Variants in SAMD11 observed in about 807,000 individuals in gnomAD.
SAMD11 encodes the protein sterile alpha motif domain-containing protein 11.
In SAMD11, 77 loss-of-function variants were observed where a neutral mutation model predicts 64.4. That is an observed-to-expected ratio of 1.20 (90% CI 0.99 to 1.44). The LOEUF is 1.44. SAMD11 is among the 40% of genes most tolerant of loss of function. The pLI, the probability that SAMD11 is intolerant of heterozygous loss-of-function variation, is 0.00. For missense variants in SAMD11, 1,402 were observed against 943.3 expected (o/e 1.49, Z -6.37); for synonymous variants, 658 against 421.9 (o/e 1.56, Z -6.86).
At position 944,417 on chromosome 1, in the gene SAMD11, T is replaced by C. The variant is rs1358908316; in HGVS notation, c.*264T>C. The C allele has an allele frequency of 8.8e-7, 1 of 1,132,230 alleles. No homozygotes were observed. Among genetic ancestry groups the C allele is most frequent in the Non-Finnish European group, 1.2e-6 (1 of 856,190 alleles). 70.1% of individuals were successfully genotyped at this position (1,132,230 alleles called of 1,614,324 possible). A position where few individuals can be genotyped will look rare whatever the true frequency, so the allele number is the denominator to read the frequency against. On this transcript the variant is annotated 3_prime_UTR_variant, in exon 14 of 14. Transcript: ENST00000616016. ...GGGCCTGCAGGCCTCCCCCTGGAAC[T>C]GGGACTGGTCTCGGTCTGCTGACGT...
rs528834495 is a variant in SAMD11 at position 942,983 on chromosome 1, G to T, written c.1978G>T (p.Glu660Ter). ...GQAPAGGAGAEGKGLFPGSTL... is the reference protein window; with the variant it reads ...GQAPAGGAGA Reference sequence around the variant, plus strand: ...AGCTCCAGCTGGAGGGGCCGGCGCCGAGGGGAAGGGGCTTTTCCCAGGGTC... The same window carrying T: ...AGCTCCAGCTGGAGGGGCCGGCGCCTAGGGGAAGGGGCTTTTCCCAGGGTC... Residue 660 changes from glutamate to a stop codon, truncating the protein, a stop_gained, in exon 11 of 14, where the codon GAG (glutamate) becomes TAG (stop). Coordinates refer to ENST00000616016, the MANE Select transcript of SAMD11 (RefSeq NM_001385641.1). LOFTEE classifies it high-confidence loss of function. 2.0e-6 allele frequency: 3 copies of T among 1,536,696 alleles called. No individual in the cohort carries two copies. Among genetic ancestry groups the T allele is most frequent in the Non-Finnish European group, 2.6e-6 (3 of 1,144,470 alleles).
chr1:927,112 C>T (rs1557599500), intron 2 of SAMD11, among the ~76,000 whole-genome samples: 1 of 152,178 alleles, frequency 6.6e-6, no homozygotes. Flanking sequence ...CATGTGCCCA[C>T]CTGACACACA....
At chr1:933,929 T>G (rs1641285997) in intron 4 of SAMD11, among the ~76,000 whole-genome samples, 2 of 151,942 alleles carry the variant, frequency 1.3e-5, no homozygotes, top group African/African-American at 2.4e-5. Context: ...TTAACGAGGT[T>G]TAGGGTAGGC....
At chr1:943,438 T>C in intron 12 of SAMD11, 61 bp downstream of exon 12, 1 of 1,388,924 alleles carries the variant, frequency 7.2e-7, no homozygotes, top group Non-Finnish European at 9.8e-7. Flanking sequence ...ACTACCTCCC[T>C]GGAAAGGATG....
rs1283259770 is a variant in SAMD11 at position 940,078 on chromosome 1, G to C, written c.1195+666G>C. 2.0e-5 allele frequency among the ~76,000 whole-genome samples: 3 copies of C among 152,228 alleles called. No individual in the cohort carries two copies. In the East Asian group the frequency reaches 5.8e-4, roughly 29 times the overall value. On this transcript the variant is annotated intron_variant, in intron 7 of 13. Coordinates refer to ENST00000616016, the MANE Select transcript of SAMD11 (RefSeq NM_001385641.1). ...AGCTTGGCTTTTCGGGCTAGAGGTG[G>C]GTGGGGGCGCCGGGAAAGGAGGCAG...
In SAMD11 at chr1:930,703, A is replaced by C. The variant is rs574886374; in HGVS notation, c.792-336A>C. Among the ~76,000 whole-genome samples the C allele has an allele frequency of 3.0e-4, 46 of 152,294 alleles. No homozygotes were observed. In the South Asian group the frequency reaches 8.1e-3, roughly 27 times the overall value. On this transcript the variant is annotated intron_variant, in intron 3 of 13. Transcript: ENST00000616016. ...TTCAGGCTCGTGACTGGCTGTGCAG[A>C]AGCAGCCTCGGCCCCCACCTGCGGT... is the stretch of plus-strand genomic sequence containing the variant.
At chr1:927,862 C>T (rs553258950) in intron 2 of SAMD11, among the ~76,000 whole-genome samples, 6 of 152,336 alleles carry the variant, frequency 3.9e-5, no homozygotes, top group Admixed American at 2.0e-4. Flanking sequence ...TCCTCAGCAC[C>T]CCCATCAGCC....
chr1:942,719 GC>G lies in SAMD11; in HGVS notation c.1717del (p.Leu573CysfsTer41). On this transcript the variant is annotated frameshift_variant, in exon 11 of 14. Coordinates refer to ENST00000616016, the MANE Select transcript of SAMD11 (RefSeq NM_001385641.1). LOFTEE classifies it high-confidence loss of function. ...VLNHGAAPLL[A>X]LPPQGPPGSG... ...GAACCACGGCGCGGCGCCACTGCTG[GC>G]CCTGCCCCCCCAGGGGCCCCCGGGC... 1 of 1,461,112 alleles carries G rather than the reference GC, an allele frequency of 6.8e-7. No homozygotes were observed. The highest frequency in any genetic ancestry group is 8.9e-7 in the Non-Finnish European group (1 of 1,117,666). The allele number at this position is 1,461,112 out of a possible 1,614,324, so 90.5% of individuals were successfully genotyped here.
Position 925,839 on chromosome 1 carries a change from G to C in SAMD11, c.518-83G>C, listed in dbSNP as rs757595556. 1.3e-4 allele frequency: 124 copies of C among 972,340 alleles called. 1 individual carries two copies. Among genetic ancestry groups the C allele is most frequent in the South Asian group, 4.5e-4 (35 of 77,792 alleles). The allele number at this position is 972,340 out of a possible 1,614,324, so 60.2% of individuals were successfully genotyped here. On this transcript the variant is annotated intron_variant, in intron 1 of 13. Coordinates refer to ENST00000616016, the MANE Select transcript of SAMD11 (RefSeq NM_001385641.1). ...TCGGGGTGTATTTCGTCCACGAGCC[G>C]GGGAGGGGGTACTGGCCCTGCCGCT...
At position 944,097 on chromosome 1, in the gene SAMD11, A is replaced by G. The variant is rs760245373; in HGVS notation, c.2479A>G (p.Asn827Asp). The G allele has an allele frequency of 1.9e-6, 3 of 1,611,502 alleles. No individual in the cohort carries two copies. Among genetic ancestry groups the G allele is most frequent in the African/African-American group, 1.3e-5 (1 of 74,948 alleles). ...CGGTCAAACTTCACCCAAGCAGGAGAATGGGACCTTGGCTCTACTTCCAGG... is the reference window on the plus strand; with the variant it reads ...CGGTCAAACTTCACCCAAGCAGGAGGATGGGACCTTGGCTCTACTTCCAGG... ...LAGQTSPKQE[N>D]GTLALLPGAP... The change falls in exon 14 of 14, where the codon AAT (asparagine) becomes GAT (aspartate). Residue 827 changes from asparagine (N) to aspartate (D), a missense_variant. Coordinates refer to ENST00000616016, the MANE Select transcript of SAMD11 (RefSeq NM_001385641.1).
At chr1:935,203 G>T (rs1641366619) in intron 4 of SAMD11, among the ~76,000 whole-genome samples, 2 of 152,196 alleles carry the variant, frequency 1.3e-5, no homozygotes, top group African/African-American at 2.4e-5. Context: ...CGGGGGGACA[G>T]CGGGAGGTTG....
chr1:930,780 G>A (rs1038338023), intron 3 of SAMD11, among the ~76,000 whole-genome samples: 1 of 152,262 alleles, frequency 6.6e-6, no homozygotes, highest in Non-Finnish European at 1.5e-5. Context: ...GGGAGAAGGG[G>A]CCTCGGTCCT....
rs1157485345 is a variant in SAMD11 at position 930,218 on chromosome 1, G to A, written c.673G>A (p.Glu225Lys). 6 of 1,585,266 alleles carry A rather than the reference G, an allele frequency of 3.8e-6. No homozygotes were observed. In the Admixed American group the frequency reaches 5.4e-5, roughly 14 times the overall value. ...GCCTGCCGCCCGGAACCTGAAGAAG[G>A]AGCGAACTCCCAGCTTCTCTGCCAG... Reference protein sequence around the residue: ...ALPAARNLKKERTPSFSASDG... With the variant: ...ALPAARNLKKKRTPSFSASDG... Residue 225 changes from glutamate (E) to lysine (K), a missense_variant, in exon 3 of 14, where the codon GAG (glutamate) becomes AAG (lysine). Glu to Lys is a moderately conservative substitution (Grantham distance 56, BLOSUM62 1). Transcript: ENST00000616016.
At chr1:943,119 A>G (rs1569918933) in intron 11 of SAMD11, 61 bp downstream of exon 11, 1 of 1,556,428 alleles carries the variant, frequency 6.4e-7, no homozygotes. Context: ...CCGCCTGTGG[A>G]AGGGTCTTGG....
chr1:941,501 C>A (rs1641764692), intron 8 of SAMD11, among the ~76,000 whole-genome samples, 195 bp downstream of exon 8: 1 of 151,982 alleles, frequency 6.6e-6, no homozygotes, highest in African/African-American at 2.4e-5. Flanking sequence ...GTGAGGGAGG[C>A]TGAGGCCCAT....
intron 4 of SAMD11, among the ~76,000 whole-genome samples, chr1:934,060 GGGCAGGGGAGGCGGC>G (rs1641297623): frequency 9.1e-5 from 2 of 21,884 alleles, no homozygotes; most frequent in East Asian, 9.9e-4. Flanking sequence ...CGTTACAGGT[GGGCAGGGGAGGCGGC>G]TGCGTTACAG....
In SAMD11 at chr1:941,087, G is replaced by C. The variant is rs549710836; in HGVS notation, c.1196-57G>C. 37 of 1,478,872 alleles carry C rather than the reference G, an allele frequency of 2.5e-5. No homozygotes were observed. The African/African-American group carries it at 5.0e-4, about 20-fold the overall frequency. The allele number at this position is 1,478,872 out of a possible 1,614,324, so 91.6% of individuals were successfully genotyped here. A position where few individuals can be genotyped will look rare whatever the true frequency, so the allele number is the denominator to read the frequency against. On this transcript the variant is annotated intron_variant, in intron 7 of 13. Coordinates refer to ENST00000616016, the MANE Select transcript of SAMD11 (RefSeq NM_001385641.1). ...CTCAGTGTTCTACGCCAGGACGCGG[G>C]CTGGGGAGGATGAGGGCGCATAGCC...
chr1:931,992 G>C (rs1010310659), intron 4 of SAMD11, among the ~76,000 whole-genome samples: 7 of 152,236 alleles, frequency 4.6e-5, no homozygotes, highest in African/African-American at 1.7e-4. Context: ...CAGCTTCCTG[G>C]GGCCAGAGCC....
Position 935,736 on chromosome 1 carries a change from CCCACGGGGTCAGCTTTT to C in SAMD11, c.843-33_843-17del, listed in dbSNP as rs1307125152. ...AGGCTGGGCTCCAGCCTCGCAGCTG[CCCACGGGGTCAGCTTTT>C]CCCGGTCTCGTTCTGCAGCCAGGAC... On this transcript the variant is annotated intron_variant, in intron 4 of 13. Transcript: ENST00000616016. 5 of 1,611,858 alleles carry C rather than the reference CCCACGGGGTCAGCTTTT, an allele frequency of 3.1e-6. No homozygotes were observed. The highest frequency in any genetic ancestry group is 4.2e-6 in the Non-Finnish European group (5 of 1,178,914).
Sources: allele counts gnomAD v4.1 joint callset (sites outside exome capture counted in the v4.1 genomes callset), GRCh38; gene constraint gnomAD v4.1.1; transcripts MANE v1.5; gene names NCBI Gene and HGNC (gene_info 2026-07-23, HGNC 2026-07-21).